The following FANCD2OS variants were observed in gnomAD, a reference collection of about 807,000 sequenced individuals.
FANCD2OS encodes FANCD2 opposite strand protein.
Under a neutral mutation model 13.2 loss-of-function variants are expected in FANCD2OS, and 11 were observed. That is an observed-to-expected ratio of 0.83 (90% CI 0.52 to 1.38). The LOEUF is 1.38. Among genes scored for constraint, FANCD2OS ranks in the 40% most tolerant of loss-of-function variants. The pLI, the probability that FANCD2OS is intolerant of heterozygous loss-of-function variation, is 0.00. For missense variants in FANCD2OS, 217 were observed against 213.9 expected (o/e 1.01, Z -0.09); for synonymous variants, 69 against 84.5 (o/e 0.82, Z 1.01).
At chr3:10,097,351 G>T (rs1695030528) in intron 2 of FANCD2OS, among the ~76,000 whole-genome samples, 1 of 152,154 alleles carries the variant, frequency 6.6e-6, no homozygotes, top group South Asian at 2.1e-4. Context: ...TAGGAGACTG[G>T]AGTTTATTTC....
chr3:10,098,904 A>G (rs920115796), downstream of FANCD2OS: 10 of 1,614,012 alleles, frequency 6.2e-6, no homozygotes, highest in South Asian at 2.2e-5. Context: ...TTGCCTACTT[A>G]TGTTTATTGT....
At position 10,088,714 on chromosome 3, in the gene FANCD2OS, T is replaced by C. The variant is rs1575845509; in HGVS notation, c.*44-7183A>G. ...GATCTTAAGATCCTCTGGTTCTGTT[T>C]TATACTGTTAGCTAACTGCTTATTG... is the stretch of plus-strand genomic sequence containing the variant. On this transcript the variant is annotated intron_variant, in intron 2 of 2. Coordinates refer to the FANCD2OS transcript ENST00000524279. The C allele has an allele frequency of 3.2e-6, 4 of 1,239,308 alleles. No individual in the cohort carries two copies. The Middle Eastern group carries it at 5.9e-4, about 183-fold the overall frequency. 76.8% of individuals were successfully genotyped at this position (1,239,308 alleles called of 1,614,324 possible). A position where few individuals can be genotyped will look rare whatever the true frequency, so the allele number is the denominator to read the frequency against.
chr3:10,104,680 G>T lies in FANCD2OS; in HGVS notation c.95C>A (p.Pro32Gln), dbSNP rs777528115. 9 of 1,614,072 alleles carry T rather than the reference G, an allele frequency of 5.6e-6. No homozygotes were observed. The highest frequency in any genetic ancestry group is 3.3e-4 in the Middle Eastern group (2 of 6,062). Reference protein sequence around the residue: ...HTTPTPSSKHPFKASPCFPHT... With the variant: ...HTTPTPSSKHQFKASPCFPHT... ...TGGGAAGCAGGGGGAGGCCTTGAAT[G>T]GGTGCTTGGAGGAAGGTGTAGGTGT... Residue 32 changes from proline to glutamine, a missense_variant, in exon 2 of 2, where the codon CCA becomes CAA. Transcript: ENST00000450660.
chr3:10,081,853 A>T (rs555205097), intron 2 of FANCD2OS, among the ~76,000 whole-genome samples: 1 of 152,194 alleles, frequency 6.6e-6, no homozygotes, highest in Non-Finnish European at 1.5e-5. Flanking sequence ...AGAAGGGTAC[A>T]TGGCCTTTAG....
At chr3:10,098,634 G>A, downstream of FANCD2OS, 3 of 1,510,324 alleles carry the variant, frequency 2.0e-6, no homozygotes, top group South Asian at 3.6e-5. Flanking sequence ...ATCTTCCTTT[G>A]TATTGCCTGT....
rs1043732053 is a variant in FANCD2OS at position 10,104,915 on chromosome 3, G to T, written c.-8-133C>A. The T allele has an allele frequency of 7.1e-6, 4 of 560,672 alleles. No individual in the cohort carries two copies. In the East Asian group the frequency reaches 1.3e-4, roughly 18 times the overall value. 34.7% of individuals were successfully genotyped at this position (560,672 alleles called of 1,614,324 possible). On this transcript the variant is annotated intron_variant, in intron 1 of 1. Transcript: ENST00000450660. ...AGTTCCCATGAATAGATTCCAACAG[G>T]TGTTAGGATATTAGTAATTATTTTA...
chr3:10,102,600 GGATCAGGAGATCCAGGAGATCCAGGA>G (rs1695347476), downstream of FANCD2OS, among the ~76,000 whole-genome samples: 1 of 151,460 alleles, frequency 6.6e-6, no homozygotes, highest in African/African-American at 2.4e-5. Flanking sequence ...TGAGGTGGGT[GGATCAGGAGATCCAGGAGATCCAGGA>G]GATCAGGAGA....
chr3:10,099,045 T>C (rs903053377), downstream of FANCD2OS: 180 of 1,599,402 alleles, frequency 1.1e-4, 1 homozygote, highest in African/African-American at 2.1e-3. Flanking sequence ...GCATTTGTTA[T>C]AGAGTTGACA....
chr3:10,095,262 T>A, intron 2 of FANCD2OS: 1 of 1,614,092 alleles, frequency 6.2e-7, no homozygotes, highest in Non-Finnish European at 8.5e-7. Flanking sequence ...ATCACCTGTG[T>A]GGGCATTCCA....
intron 1 of FANCD2OS, among the ~76,000 whole-genome samples, chr3:10,105,774 ATATATATATATATATAT>A (rs1559415200): frequency 4.4e-4 from 4 of 9,182 alleles, no homozygotes; most frequent in African/African-American, 2.8e-3. Flanking sequence ...AAAAAAAATT[ATATATATATATATATAT>A]ATATATATAT....
Position 10,104,689 on chromosome 3 carries a change from G to A in FANCD2OS, c.86C>T (p.Ser29Phe). Reference protein sequence around the residue: ...WLRHTTPTPSSKHPFKASPCF... With the variant: ...WLRHTTPTPSFKHPFKASPCF... ...GGGGGAGGCCTTGAATGGGTGCTTG[G>A]AGGAAGGTGTAGGTGTCGTGTGCCG... The change falls in exon 2 of 2, where the codon TCC (serine) becomes TTC (phenylalanine). Residue 29 changes from serine (S) to phenylalanine (F), a missense_variant. Coordinates refer to ENST00000450660, the MANE Select transcript of FANCD2OS (RefSeq NM_001164839.2). 1 of 1,614,050 alleles carries A rather than the reference G, an allele frequency of 6.2e-7. No homozygotes were observed. The highest frequency in any genetic ancestry group is 8.5e-7 in the Non-Finnish European group (1 of 1,179,970).
chr3:10,099,340 A>C, downstream of FANCD2OS: 1 of 1,200,548 alleles, frequency 8.3e-7, no homozygotes, highest in South Asian at 2.0e-5. Context: ...AAATGTAGAC[A>C]TGGCTGGCGC....
At chr3:10,107,621 G>T (rs1178653258) in intron 1 of FANCD2OS, among the ~76,000 whole-genome samples, 1 of 151,838 alleles carries the variant, frequency 6.6e-6, no homozygotes, top group Admixed American at 6.6e-5. Flanking sequence ...CTTCTAAGAG[G>T]AAGTAGAGGT....
At chr3:10,087,327 T>TA (rs1173819996) in intron 2 of FANCD2OS, 1 of 1,500,950 alleles carries the variant, frequency 6.7e-7, no homozygotes, top group African/African-American at 1.5e-5. Context: ...ATCTCACACT[T>TA]ACAAACTTTG....
At chr3:10,085,698 CT>C in intron 2 of FANCD2OS, 2 of 799,458 alleles carry the variant, frequency 2.5e-6, no homozygotes, top group East Asian at 2.5e-5. Flanking sequence ...CCTCTCAATT[CT>C]TTTTTCAAAC....
At chr3:10,095,971 T>A (rs1416674368) in intron 2 of FANCD2OS, among the ~76,000 whole-genome samples, 2 of 148,498 alleles carry the variant, frequency 1.3e-5, no homozygotes, top group African/African-American at 5.0e-5. Flanking sequence ...AAGTTCCGCC[T>A]CCCGGCTGGA....
At chr3:10,101,373 TCC>T (rs374096504), downstream of FANCD2OS, 2 of 665,252 alleles carry the variant, frequency 3.0e-6, no homozygotes, top group East Asian at 2.9e-5. Context: ...CCTTTTTTGT[TCC>T]TCTTTTTTTT....
intron 2 of FANCD2OS, among the ~76,000 whole-genome samples, chr3:10,087,996 C>T (rs752180124): frequency 1.3e-5 from 2 of 152,170 alleles, no homozygotes; most frequent in Non-Finnish European, 2.9e-5. Flanking sequence ...GAATGCAGCT[C>T]ATCCTAGTTG....
chr3:10,081,528 G>T, exon 3 of FANCD2OS: 2 of 1,096,738 alleles, frequency 1.8e-6, no homozygotes, highest in East Asian at 2.3e-5. Flanking sequence ...CAGTCACCAA[G>T]GCACTGAAAT....
Sources: gnomAD v4.1 joint callset for allele counts (sites outside exome capture counted in the v4.1 genomes callset) on GRCh38, gnomAD v4.1.1 for gene constraint, MANE v1.5 for transcripts, NCBI Gene and HGNC (gene_info 2026-07-23, HGNC 2026-07-21) for gene names.